The following AGBL4 variants were observed in gnomAD, a reference collection of about 807,000 sequenced individuals.
AGBL4 encodes the protein cytosolic carboxypeptidase 6.
In AGBL4, 58 loss-of-function variants were observed where a neutral mutation model predicts 66.4. The observed-to-expected ratio is 0.87, with a 90% confidence interval of 0.71 to 1.09. The LOEUF (loss-of-function observed/expected upper bound fraction) is 1.09, where lower values mean the gene tolerates loss of function less well. AGBL4 is among the 50% of genes least tolerant of loss of function. The pLI, the probability that AGBL4 is intolerant of heterozygous loss-of-function variation, is 0.00. For missense variants in AGBL4, 579 were observed against 631.0 expected, an observed-to-expected ratio of 0.92 and a Z score of 0.88; for synonymous variants, 234 against 222.9, an observed-to-expected ratio of 1.05 and a Z score of -0.44.
intron 3 of AGBL4, among the ~76,000 whole-genome samples, chr1:49,513,444 G>T (rs1649461089): frequency 6.6e-6 from 1 of 151,854 alleles, no homozygotes; most frequent in Non-Finnish European, 1.5e-5. Context: ...ATTCCATAGT[G>T]TCTGTTGTTC....
chr1:48,544,220 G>A (rs1644122943), intron 11 of AGBL4, among the ~76,000 whole-genome samples: 1 of 152,184 alleles, frequency 6.6e-6, no homozygotes, highest in Non-Finnish European at 1.5e-5. Context: ...TGACCTCTCT[G>A]AGCAGCAGAC....
At chr1:48,865,404 C>T (rs760512219) in intron 6 of AGBL4, among the ~76,000 whole-genome samples, 1 of 152,090 alleles carries the variant, frequency 6.6e-6, no homozygotes, top group Non-Finnish European at 1.5e-5. Context: ...CTGAGTGAAT[C>T]GGTATCTCAC....
chr1:49,112,250 T>C (rs1464079303), intron 4 of AGBL4, among the ~76,000 whole-genome samples: 2 of 152,244 alleles, frequency 1.3e-5, no homozygotes, highest in Admixed American at 1.3e-4. Context: ...AACATAGTGA[T>C]AGAAATAGAG....
At chr1:49,282,487 T>G (rs1644296396) in intron 3 of AGBL4, among the ~76,000 whole-genome samples, 1 of 152,148 alleles carries the variant, frequency 6.6e-6, no homozygotes, top group African/African-American at 2.4e-5. Context: ...AATGGAGAAC[T>G]AACAAAATAT....
chr1:48,777,830 G>C (rs1396121683), intron 6 of AGBL4, among the ~76,000 whole-genome samples: 1 of 152,174 alleles, frequency 6.6e-6, no homozygotes, highest in Non-Finnish European at 1.5e-5. Context: ...CAAGGCTAGG[G>C]ATTTCTGGAG....
At chr1:49,775,056 T>C (rs974484325) in intron 2 of AGBL4, among the ~76,000 whole-genome samples, 3 of 152,114 alleles carry the variant, frequency 2.0e-5, no homozygotes, top group Admixed American at 6.5e-5. Context: ...CCATTAAAAA[T>C]GAAACCTATG....
At chr1:49,613,361 T>C (rs1171321282) in intron 3 of AGBL4, among the ~76,000 whole-genome samples, 19 of 152,120 alleles carry the variant, frequency 1.2e-4, no homozygotes, top group African/African-American at 2.7e-4. Flanking sequence ...AACCTGCACA[T>C]GTATCACCTA....
chr1:49,794,847 T>G (rs1200035083), intron 2 of AGBL4, among the ~76,000 whole-genome samples: 2 of 151,998 alleles, frequency 1.3e-5, no homozygotes, highest in Non-Finnish European at 2.9e-5. Flanking sequence ...AGCATAAGTA[T>G]TAATTCACTC....
At chr1:49,740,862 C>G (rs138057459) in intron 2 of AGBL4, among the ~76,000 whole-genome samples, 6,390 of 152,084 alleles carry the variant, frequency 0.042, 179 homozygotes, top group Non-Finnish European at 0.064. Flanking sequence ...TGAGAACAAA[C>G]ACACAACATA....
chr1:49,606,690 C>T (rs1304001779), intron 3 of AGBL4, among the ~76,000 whole-genome samples: 2 of 152,074 alleles, frequency 1.3e-5, no homozygotes, highest in Non-Finnish European at 2.9e-5. Context: ...CCATTTTATA[C>T]ATCAGGAAAC....
intron 8 of AGBL4, among the ~76,000 whole-genome samples, chr1:48,637,233 T>C (rs1645681859): frequency 6.6e-6 from 1 of 152,214 alleles, no homozygotes; most frequent in Non-Finnish European, 1.5e-5. Flanking sequence ...CATGGACTAA[T>C]AGTTTTGCAG....
At chr1:48,647,473 C>G (rs895794593) in intron 8 of AGBL4, 1 of 272,014 alleles carries the variant, frequency 3.7e-6, no homozygotes, top group Non-Finnish European at 7.5e-6. Flanking sequence ...CATTAAATAC[C>G]AGTTATTCTG....
intron 2 of AGBL4, among the ~76,000 whole-genome samples, chr1:49,704,119 A>AT (rs1210011366): frequency 1.3e-5 from 2 of 152,116 alleles, no homozygotes; most frequent in South Asian, 2.1e-4. Flanking sequence ...ATGTATACAG[A>AT]TTCAGAGGAA....
chr1:49,334,238 A>G (rs1361918328), intron 3 of AGBL4, among the ~76,000 whole-genome samples: 2 of 152,170 alleles, frequency 1.3e-5, no homozygotes, highest in African/African-American at 4.8e-5. Context: ...AACAAAGTGA[A>G]AGGGAACACA....
chr1:49,571,570 C>T (rs926732588), intron 3 of AGBL4, among the ~76,000 whole-genome samples: 6 of 152,158 alleles, frequency 3.9e-5, no homozygotes, highest in South Asian at 4.1e-4. Context: ...TTATTTGTTT[C>T]TCTTGGCTGC....
At chr1:49,229,588 A>T (rs1650155639) in intron 4 of AGBL4, among the ~76,000 whole-genome samples, 1 of 152,222 alleles carries the variant, frequency 6.6e-6, no homozygotes, top group Non-Finnish European at 1.5e-5. Context: ...GGAATCAGTC[A>T]TCTGTAAAAT....
chr1:49,717,095 C>G (rs1163948064), intron 2 of AGBL4, among the ~76,000 whole-genome samples: 2 of 152,140 alleles, frequency 1.3e-5, no homozygotes, highest in Non-Finnish European at 2.9e-5. Context: ...GATACAAAAT[C>G]AACGTGCAAA....
intron 4 of AGBL4, among the ~76,000 whole-genome samples, chr1:49,084,148 C>T (rs1179400): frequency 2.7e-4 from 7 of 26,218 alleles, no homozygotes; most frequent in Non-Finnish European, 5.2e-4. Context: ...TCCTGTCTTC[C>T]GAGCCCTCCA....
intron 2 of AGBL4, among the ~76,000 whole-genome samples, chr1:49,834,699 G>C (rs1645798876): frequency 1.3e-5 from 2 of 152,086 alleles, no homozygotes; most frequent in Non-Finnish European, 2.9e-5. Context: ...ACTTTCTTCT[G>C]TGGGCATTTA....
Sources: allele counts gnomAD v4.1 joint callset (sites outside exome capture counted in the v4.1 genomes callset), GRCh38; gene constraint gnomAD v4.1.1; transcripts MANE v1.5; gene names NCBI Gene and HGNC (gene_info 2026-07-23, HGNC 2026-07-21).